The following ADCK1 variants were observed in gnomAD, a reference collection of about 807,000 sequenced individuals.
ADCK1 encodes the protein aarF domain containing kinase 1, also known as aarF domain-containing protein kinase 1.
Under a neutral mutation model 52.3 loss-of-function variants are expected in ADCK1, and 41 were observed. The ratio of observed to expected loss-of-function variants is 0.78; its 90% CI spans 0.61 to 1.02. The LOEUF is 1.02. ADCK1 is among the 50% of genes least tolerant of loss of function. The probability of loss-of-function intolerance (pLI) is 0.00; values close to 1 mark genes in which losing one functional copy is unlikely to be tolerated. For synonymous variants in ADCK1, 250 were observed against 274.6 expected, an observed-to-expected ratio of 0.91 and a Z score of 0.89; for missense variants, 658 against 679.5, an observed-to-expected ratio of 0.97 and a Z score of 0.35.
chr14:77,883,125 G>A (rs73313136), intron 4 of ADCK1, among the ~76,000 whole-genome samples: 1,971 of 152,056 alleles, frequency 0.013, 38 homozygotes, highest in African/African-American at 0.045. Context: ...TGAATCACGG[G>A]CCGACAGTAA....
At chr14:77,897,337 G>A (rs1156325745) in intron 5 of ADCK1, among the ~76,000 whole-genome samples, 2 of 152,186 alleles carry the variant, frequency 1.3e-5, no homozygotes, top group Non-Finnish European at 1.5e-5. Context: ...CACCTCCTAT[G>A]TCCCTGGTAT....
At position 77,933,419 on chromosome 14, in the gene ADCK1, G is replaced by A. The variant is rs1566748419; in HGVS notation, c.*28G>A. ...GGAATTGCTCTCCCTGCCCCATTCT[G>A]GTGTCTTTCCACTCCTCAGCCCCTC... On this transcript the variant is annotated 3_prime_UTR_variant, in exon 11 of 11. Coordinates refer to ENST00000238561, the MANE Select transcript of ADCK1 (RefSeq NM_020421.4). 6 of 1,609,234 alleles carry A rather than the reference G, an allele frequency of 3.7e-6. No homozygotes were observed. Among genetic ancestry groups the A allele is most frequent in the Admixed American group, 1.7e-5 (1 of 59,926 alleles).
In ADCK1 at chr14:77,924,616, G is replaced by GC. The variant is rs1479606912; in HGVS notation, c.1008+12dup. On this transcript the variant is annotated intron_variant, in intron 8 of 10. Coordinates refer to ENST00000238561, the MANE Select transcript of ADCK1 (RefSeq NM_020421.4). ...CCATGGGCTTTACCAGGTAGAAGAGGCCTTTGTTACCCAGCCCTGGGGCCT... is the reference window on the plus strand; with the variant it reads ...CCATGGGCTTTACCAGGTAGAAGAGGCCCTTTGTTACCCAGCCCTGGGGCCT... 1 of 1,611,764 alleles carries GC rather than the reference G, an allele frequency of 6.2e-7. No individual in the cohort carries two copies. Among genetic ancestry groups the GC allele is most frequent in the African/African-American group, 1.3e-5 (1 of 74,942 alleles).
intron 6 of ADCK1, chr14:77,900,523 G>A (rs753536827): frequency 1.1e-5 from 5 of 445,672 alleles, no homozygotes; most frequent in South Asian, 8.1e-5. Context: ...GGAGGCAGAC[G>A]TTGTAGTGAG....
chr14:77,817,328 C>T (rs1476132533), intron 1 of ADCK1, among the ~76,000 whole-genome samples: 4 of 152,170 alleles, frequency 2.6e-5, no homozygotes, highest in Non-Finnish European at 5.9e-5. Context: ...AGGTGACAGG[C>T]ACAGACTCAT....
intron 3 of ADCK1, among the ~76,000 whole-genome samples, chr14:77,850,571 T>C (rs536839946): frequency 3.9e-5 from 6 of 152,204 alleles, no homozygotes; most frequent in Non-Finnish European, 8.8e-5. Flanking sequence ...GATAATATTC[T>C]TTTCTCTGAA....
Position 77,933,238 on chromosome 14 carries a change from C to G in ADCK1, c.1419C>G (p.Thr473=), listed in dbSNP as rs765428957. The G allele has an allele frequency of 6.2e-7, 1 of 1,613,920 alleles. No homozygotes were observed. The highest frequency in any genetic ancestry group is 1.1e-5 in the South Asian group (1 of 91,048). Residue 473 remains threonine, a synonymous_variant, in exon 11 of 11, where the codon ACC becomes ACG. Coordinates refer to ENST00000238561, the MANE Select transcript of ADCK1 (RefSeq NM_020421.4). ...TTTCCAGGCACAAGAAGAAGAATAC[C>G]TGTTCATTCTTCAGAAGGACCCAGA... ...RALAEHKKKN[T]CSFFRRTQIS...
chr14:77,808,060 C>T, intron 1 of ADCK1, among the ~76,000 whole-genome samples: 1 of 152,138 alleles, frequency 6.6e-6, no homozygotes, highest in East Asian at 1.9e-4. Context: ...AGAAGCCTTT[C>T]CTGACAGATC....
intron 3 of ADCK1, among the ~76,000 whole-genome samples, chr14:77,841,254 C>G (rs186946818): frequency 6.6e-6 from 1 of 152,012 alleles, no homozygotes; most frequent in Non-Finnish European, 1.5e-5. Flanking sequence ...CTAGAGTGAA[C>G]GATAGGGCAT....
At chr14:77,862,914 G>A (rs2082582654) in intron 4 of ADCK1, among the ~76,000 whole-genome samples, 1 of 152,206 alleles carries the variant, frequency 6.6e-6, no homozygotes, top group Non-Finnish European at 1.5e-5. Context: ...GAGGCTTTCT[G>A]AAGCAGGTGG....
At chr14:77,814,363 G>A (rs2081396529) in intron 1 of ADCK1, among the ~76,000 whole-genome samples, 1 of 151,430 alleles carries the variant, frequency 6.6e-6, no homozygotes, top group African/African-American at 2.4e-5. Context: ...ACAGGTGTGA[G>A]CCACTGCACC....
intron 5 of ADCK1, among the ~76,000 whole-genome samples, chr14:77,897,012 C>A (rs1241997123): frequency 6.6e-6 from 1 of 152,144 alleles, no homozygotes; most frequent in Non-Finnish European, 1.5e-5. Flanking sequence ...GCCAACACAG[C>A]ATTGGGCAAA....
chr14:77,852,905 A>ATTTTTTTT (rs1566668044), intron 3 of ADCK1, among the ~76,000 whole-genome samples: 6 of 28,448 alleles, frequency 2.1e-4, no homozygotes, highest in African/African-American at 3.9e-4. Context: ...ATATATATAT[A>ATTTTTTTT]TATTTTTTTT....
chr14:77,815,855 G>T (rs1246950459), intron 1 of ADCK1, among the ~76,000 whole-genome samples: 3 of 132,638 alleles, frequency 2.3e-5, no homozygotes, highest in African/African-American at 5.7e-5. Flanking sequence ...TCGTTCTGTT[G>T]CCCAAGCTGG....
chr14:77,893,566 G>C (rs1019319476), intron 5 of ADCK1, among the ~76,000 whole-genome samples: 1 of 152,004 alleles, frequency 6.6e-6, no homozygotes, highest in African/African-American at 2.4e-5. Flanking sequence ...GGCTATGTTG[G>C]GGTGGGACTC....
intron 3 of ADCK1, among the ~76,000 whole-genome samples, chr14:77,826,901 C>T (rs1324381089): frequency 1.3e-5 from 2 of 152,112 alleles, no homozygotes; most frequent in Non-Finnish European, 2.9e-5. Context: ...AGCACCAGAG[C>T]CAGTTCTGGC....
Position 77,931,662 on chromosome 14 carries a change from G to A in ADCK1, c.1351G>A (p.Ala451Thr), listed in dbSNP as rs141847250. Residue 451 changes from alanine to threonine, a missense_variant, in exon 10 of 11, where the codon GCC becomes ACC. Ala to Thr is a moderately conservative substitution (Grantham distance 58). Coordinates refer to ENST00000238561, the MANE Select transcript of ADCK1 (RefSeq NM_020421.4). ...GGCCGCCCTGGGCACCCGCGCCAGC[G>A]CCAGCTCCTTTCTCAACATGTCACG... ...IEAALGTRAS[A>T]SSFLNMSRCC... The A allele has an allele frequency of 1.9e-3, 3,043 of 1,609,422 alleles. 5 individuals carry two copies. The highest frequency in any genetic ancestry group is 2.4e-3 in the Non-Finnish European group (2,805 of 1,179,984).
chr14:77,817,837 G>A (rs970043712), intron 1 of ADCK1, among the ~76,000 whole-genome samples: 3 of 151,640 alleles, frequency 2.0e-5, no homozygotes, highest in Admixed American at 1.3e-4. Context: ...CCGGGTTCAC[G>A]CCATTCTCCT....
chr14:77,856,903 G>C (rs2082428021), intron 3 of ADCK1, among the ~76,000 whole-genome samples: 1 of 152,142 alleles, frequency 6.6e-6, no homozygotes, highest in Non-Finnish European at 1.5e-5. Flanking sequence ...TCAGGAGGCT[G>C]AGGTAGGAGA....
Sources: allele counts gnomAD v4.1 joint callset (sites outside exome capture counted in the v4.1 genomes callset), GRCh38; gene constraint gnomAD v4.1.1; transcripts MANE v1.5; gene names NCBI Gene and HGNC (gene_info 2026-07-23, HGNC 2026-07-21).